Variants in GUCA2B observed in about 807,000 individuals in gnomAD.
GUCA2B encodes guanylate cyclase activator 2B.
Under a neutral mutation model 11.1 loss-of-function variants are expected in GUCA2B, and 7 were observed. That is an observed-to-expected ratio of 0.63 (90% CI 0.36 to 1.18). The LOEUF (loss-of-function observed/expected upper bound fraction) is 1.18. Ranked by LOEUF, GUCA2B falls within the 50% of genes most tolerant of loss-of-function variation. GUCA2B has a pLI of 0.02. For synonymous variants in GUCA2B, 69 were observed against 65.3 expected (o/e 1.06, Z -0.27); for missense variants, 140 against 142.5 (o/e 0.98, Z 0.09).
intron 2 of GUCA2B, 21 bp from the exon 3 acceptor site, chr1:42,155,514 A>ACCAGT (rs764724945): frequency 6.2e-7 from 1 of 1,608,802 alleles, no homozygotes; most frequent in African/African-American, 1.3e-5. Flanking sequence ...AGGTCAACTG[A>ACCAGT]CCAGTTCTCT....
Position 42,153,530 on chromosome 1 carries a change from T to C in GUCA2B, c.80T>C (p.Val27Ala). 6.2e-7 allele frequency: 1 copy of C among 1,611,020 alleles called. No individual in the cohort carries two copies. Among genetic ancestry groups the C allele is most frequent in the South Asian group, 1.1e-5 (1 of 90,984 alleles). The change falls in exon 1 of 3, where the codon GTC becomes GCC. Residue 27 changes from valine to alanine, a missense_variant. Transcript: ENST00000372581. ...LLLLLQSTQSVYIQYQGFRVQ... is the reference protein window; with the variant it reads ...LLLLLQSTQSAYIQYQGFRVQ... ...CTGCTGCTGCAGAGCACACAGTCAG[T>C]CTACATCCAGGTGAGTCCCTTGGCC...
chr1:42,154,628 T>C (rs901857431), intron 1 of GUCA2B, 52 bp from the exon 2 acceptor site: 11 of 1,469,682 alleles, frequency 7.5e-6, no homozygotes, highest in Non-Finnish European at 9.5e-6. Flanking sequence ...TGGCAGTGCC[T>C]GCCCCTGGAC....
chr1:42,154,801 C>T lies in GUCA2B; in HGVS notation c.212C>T (p.Ala71Val). The change falls in exon 2 of 3, where the codon GCT becomes GTT. Residue 71 changes from alanine to valine, a missense_variant. By Grantham distance (64) the Ala-to-Val change is moderately conservative (BLOSUM62 0). Coordinates refer to ENST00000372581, the MANE Select transcript of GUCA2B (RefSeq NM_007102.3). ...CTGCCCGCCGTGTGCCACCACCCTG[C>T]TCTGCCTCAGGACCTTCAGCCTGTC... ...SLLPAVCHHP[A>V]LPQDLQPVCA... The T allele has an allele frequency of 6.2e-7, 1 of 1,614,126 alleles. No individual in the cohort carries two copies. Among genetic ancestry groups the T allele is most frequent in the South Asian group, 1.1e-5 (1 of 91,064 alleles).
In GUCA2B at chr1:42,154,769, G is replaced by C. The variant is rs1285051094; in HGVS notation, c.180G>C (p.Gln60His). The change falls in exon 2 of 3, where the codon CAG becomes CAC. Residue 60 changes from glutamine to histidine, a missense_variant. Gln to His is a conservative substitution (Grantham distance 24). Transcript: ENST00000372581. ...CACCCAGCCCCCGCCTGCAGGCCCA[G>C]AGCCTCCTGCCCGCCGTGTGCCACC... The part of the protein sequence containing the change: ...QWAPSPRLQA[Q>H]SLLPAVCHHP... The C allele has an allele frequency of 6.2e-7, 1 of 1,613,912 alleles. No individual in the cohort carries two copies. Among genetic ancestry groups the C allele is most frequent in the African/African-American group, 1.3e-5 (1 of 74,930 alleles).
At position 42,155,697 on chromosome 1, in the gene GUCA2B, C is replaced by A. The variant is rs1646106255; in HGVS notation, c.*101C>A. 2 of 892,436 alleles carry A rather than the reference C, an allele frequency of 2.2e-6. No individual in the cohort carries two copies. Among genetic ancestry groups the A allele is most frequent in the African/African-American group, 1.6e-5 (1 of 61,408 alleles). 55.3% of individuals were successfully genotyped at this position (892,436 alleles called of 1,614,324 possible). On this transcript the variant is annotated 3_prime_UTR_variant, in exon 3 of 3. Coordinates refer to ENST00000372581, the MANE Select transcript of GUCA2B (RefSeq NM_007102.3). Reference sequence around the variant, plus strand: ...GTCCATGCTCAAGATGGGTCCCTGGCCACCATGGTCATCACCACCCTTCCA... The same window carrying A: ...GTCCATGCTCAAGATGGGTCCCTGGACACCATGGTCATCACCACCCTTCCA...
intron 1 of GUCA2B, 52 bp downstream of exon 1, chr1:42,153,592 G>A (rs1187898965): frequency 1.5e-6 from 2 of 1,333,732 alleles, no homozygotes; most frequent in African/African-American, 2.9e-5. Context: ...ATGGTGGGAG[G>A]CTAGGCTGGA....
intron 1 of GUCA2B, 42 bp from the exon 2 acceptor site, chr1:42,154,638 C>G: frequency 6.6e-7 from 1 of 1,515,174 alleles, no homozygotes; most frequent in Non-Finnish European, 9.2e-7. Flanking sequence ...TGCCCCTGGA[C>G]CAGGTCTTGA....
chr1:42,154,797 C>A lies in GUCA2B; in HGVS notation c.208C>A (p.Pro70Thr). ...QSLLPAVCHH[P>T]ALPQDLQPVC... ...CCTCCTGCCCGCCGTGTGCCACCAC[C>A]CTGCTCTGCCTCAGGACCTTCAGCC... The change falls in exon 2 of 3, where the codon CCT becomes ACT. Residue 70 changes from proline (P) to threonine (T), a missense_variant. Physicochemically the swap from Pro to Thr is conservative, Grantham distance 38. Transcript: ENST00000372581. The A allele has an allele frequency of 1.2e-6, 2 of 1,614,140 alleles. No homozygotes were observed. The highest frequency in any genetic ancestry group is 1.7e-6 in the Non-Finnish European group (2 of 1,180,018).
Position 42,153,551 on chromosome 1 carries a change from T to C in GUCA2B, c.90+11T>C. The C allele has an allele frequency of 6.3e-7, 1 of 1,591,842 alleles. No homozygotes were observed. Among genetic ancestry groups the C allele is most frequent in the Middle Eastern group, 1.7e-4 (1 of 6,024 alleles). On this transcript the variant is annotated intron_variant, in intron 1 of 2. Coordinates refer to ENST00000372581, the MANE Select transcript of GUCA2B (RefSeq NM_007102.3). ...TCAGTCTACATCCAGGTGAGTCCCT[T>C]GGCCAGCGTTCCCTTTGCCTGAAGG...
intron 1 of GUCA2B, among the ~76,000 whole-genome samples, chr1:42,154,349 T>C (rs894323084): frequency 7.2e-5 from 11 of 152,200 alleles, no homozygotes; most frequent in African/African-American, 2.7e-4. Flanking sequence ...AGTTAGTGAT[T>C]GTGCCCTGGT....
chr1:42,154,177 T>C (rs966181254), intron 1 of GUCA2B, among the ~76,000 whole-genome samples: 3 of 152,144 alleles, frequency 2.0e-5, no homozygotes, highest in Non-Finnish European at 4.4e-5. Flanking sequence ...TCTGTGGCCC[T>C]GGGTGTCACA....
chr1:42,155,469 C>A, intron 2 of GUCA2B, 66 bp from the exon 3 acceptor site: 3 of 1,289,384 alleles, frequency 2.3e-6, no homozygotes, highest in Non-Finnish European at 3.4e-6. Context: ...CCAAGCAGAC[C>A]TCTTCTGCTG....
chr1:42,155,661 C>A lies in GUCA2B; in HGVS notation c.*65C>A. On this transcript the variant is annotated 3_prime_UTR_variant, in exon 3 of 3. Transcript: ENST00000372581. The stretch of plus-strand genomic sequence containing the variant: ...CCCTTCAGCCCACCACCCTGGCAGG[C>A]TTCCATCCCCGTCCATGCTCAAGAT... 1 of 1,246,364 alleles carries A rather than the reference C, an allele frequency of 8.0e-7. No individual in the cohort carries two copies. The highest frequency in any genetic ancestry group is 1.9e-4 in the Middle Eastern group (1 of 5,296). 77.2% of individuals were successfully genotyped at this position (1,246,364 alleles called of 1,614,324 possible).
Position 42,153,454 on chromosome 1 carries a change from G to T in GUCA2B, c.4G>T (p.Gly2Cys). Reference sequence around the variant, plus strand: ...CAGGGGGAACCCAGGGAGCGCGATGGGCTGCAGGGCTGCATCAGGGCTCCT... The same window carrying T: ...CAGGGGGAACCCAGGGAGCGCGATGTGCTGCAGGGCTGCATCAGGGCTCCT... M[G>C]CRAASGLLPG... The change falls in exon 1 of 3, where the codon GGC (glycine) becomes TGC (cysteine). Residue 2 changes from glycine to cysteine, a missense_variant. By Grantham distance (159) the Gly-to-Cys change is radical (BLOSUM62 -3). Transcript: ENST00000372581. 1 of 1,609,696 alleles carries T rather than the reference G, an allele frequency of 6.2e-7. No homozygotes were observed.
At position 42,155,763 on chromosome 1, in the gene GUCA2B, A is replaced by AGAG; in HGVS notation, c.*168_*170dup. The AGAG allele has an allele frequency of 1.5e-6, 1 of 663,348 alleles. No individual in the cohort carries two copies. Among genetic ancestry groups the AGAG allele is most frequent in the South Asian group, 1.7e-5 (1 of 59,298 alleles). 41.1% of individuals were successfully genotyped at this position (663,348 alleles called of 1,614,324 possible). A position where few individuals can be genotyped will look rare whatever the true frequency, so the allele number is the denominator to read the frequency against. ...GATCTGGTACAAAGCAATCGGACAT[A>AGAG]GAGTTGGAGGGGGAGGCCCCTGAGG... On this transcript the variant is annotated 3_prime_UTR_variant, in exon 3 of 3. Transcript: ENST00000372581.
chr1:42,155,789 C>CAGCTCAGG lies in GUCA2B; in HGVS notation c.*196_*197insTCAGGAGC. ...GAGTTGGAGGGGGAGGCCCCTGAGGCAGCCCAGCTCCTGAATAAAGATTCT... is the reference window on the plus strand; with the variant it reads ...GAGTTGGAGGGGGAGGCCCCTGAGGCAGCTCAGGAGCCCAGCTCCTGAATAAAGATTCT... On this transcript the variant is annotated 3_prime_UTR_variant, in exon 3 of 3. Transcript: ENST00000372581. 1.6e-6 allele frequency: 1 copy of CAGCTCAGG among 621,596 alleles called. No homozygotes were observed. The allele number at this position is 621,596 out of a possible 1,614,324, so 38.5% of individuals were successfully genotyped here. A position where few individuals can be genotyped will look rare whatever the true frequency, so the allele number is the denominator to read the frequency against.
chr1:42,155,540 A>T lies in GUCA2B; in HGVS notation c.283A>T (p.Ile95Phe). The T allele has an allele frequency of 1.2e-6, 2 of 1,613,870 alleles. No homozygotes were observed. Among genetic ancestry groups the T allele is most frequent in the East Asian group, 2.2e-5 (1 of 44,882 alleles). The change falls in exon 3 of 3, where the codon ATC becomes TTC. Residue 95 changes from isoleucine to phenylalanine, a missense_variant. Physicochemically the swap from Ile to Phe is conservative, Grantham distance 21. Coordinates refer to ENST00000372581, the MANE Select transcript of GUCA2B (RefSeq NM_007102.3). ...CCAGTTCTCTCCCTGCCCAGGGACCATCGCTAACGACGACTGTGAGCTGTG... is the reference window on the plus strand; with the variant it reads ...CCAGTTCTCTCCCTGCCCAGGGACCTTCGCTAACGACGACTGTGAGCTGTG... ...ASSIFKTLRT[I>F]ANDDCELCVN...
intron 1 of GUCA2B, among the ~76,000 whole-genome samples, chr1:42,153,817 G>T (rs1483536083): frequency 1.3e-5 from 2 of 152,174 alleles, no homozygotes; most frequent in African/African-American, 4.8e-5. Context: ...GGAACAGAAG[G>T]CTCCTCCTTG....
chr1:42,154,937 T>C (rs1051429241), intron 2 of GUCA2B, 71 bp downstream of exon 2: 67 of 1,283,426 alleles, frequency 5.2e-5, no homozygotes, highest in Middle Eastern at 2.4e-4. Context: ...ACCTGGGTTG[T>C]TTCTCTTAAG....
Sources: allele counts gnomAD v4.1 joint callset (sites outside exome capture counted in the v4.1 genomes callset), GRCh38; gene constraint gnomAD v4.1.1; transcripts MANE v1.5; gene names NCBI Gene and HGNC (gene_info 2026-07-23, HGNC 2026-07-21).